CCDC152: variants seen among roughly 807,000 people sequenced by gnomAD.
CCDC152 encodes the protein coiled-coil domain-containing protein 152.
Under a neutral mutation model 38.1 loss-of-function variants are expected in CCDC152, and 37 were observed. The ratio of observed to expected loss-of-function variants is 0.97; its 90% CI spans 0.75 to 1.28. The LOEUF (loss-of-function observed/expected upper bound fraction) is 1.28, where lower values mean the gene tolerates loss of function less well. Ranked by LOEUF, CCDC152 falls within the 50% of genes most tolerant of loss-of-function variation. The probability of loss-of-function intolerance (pLI) is 0.00; values close to 1 mark genes in which losing one functional copy is unlikely to be tolerated. For synonymous variants in CCDC152, 83 were observed against 87.1 expected (o/e 0.95, Z 0.26); for missense variants, 259 against 292.1 (o/e 0.89, Z 0.83).
At chr5:42,770,792 C>A (rs1759687051) in intron 4 of CCDC152, among the ~76,000 whole-genome samples, 2 of 152,200 alleles carry the variant, frequency 1.3e-5, no homozygotes, top group South Asian at 4.1e-4. Flanking sequence ...TTTCCTTCAT[C>A]AATGTTTTAT....
In CCDC152 at chr5:42,801,205, T is replaced by C; in HGVS notation, c.*1424T>C. On this transcript the variant is annotated 3_prime_UTR_variant, in exon 9 of 9. Transcript: ENST00000361970. Reference sequence around the variant, plus strand: ...GGTTGCTGATTCTCTGAAAGCTCACTGCTGCCAAGGTGCTGATGTCCATGA... The same window carrying C: ...GGTTGCTGATTCTCTGAAAGCTCACCGCTGCCAAGGTGCTGATGTCCATGA... The C allele has an allele frequency of 3.1e-6, 5 of 1,614,188 alleles. No individual in the cohort carries two copies. Among genetic ancestry groups the C allele is most frequent in the Non-Finnish European group, 4.2e-6 (5 of 1,180,024 alleles).
chr5:42,769,729 GA>G (rs1759673063), intron 4 of CCDC152, 64 bp downstream of exon 4: 1 of 1,421,760 alleles, frequency 7.0e-7, no homozygotes, highest in Non-Finnish European at 9.3e-7. Context: ...TTAAAAATAG[GA>G]AGTTTTTACA....
At chr5:42,759,341 T>A in intron 2 of CCDC152, 133 bp downstream of exon 2, 1 of 549,282 alleles carries the variant, frequency 1.8e-6, no homozygotes, top group Non-Finnish European at 3.2e-6. Context: ...TGCTATGCTC[T>A]TCTCTCTCAT....
In CCDC152 at chr5:42,799,688, CAAG is replaced by C. The variant is rs950599441; in HGVS notation, c.673_675del (p.Lys225del). The C allele has an allele frequency of 1.9e-6, 3 of 1,547,276 alleles. No individual in the cohort carries two copies. Among genetic ancestry groups the C allele is most frequent in the South Asian group, 2.4e-5 (2 of 83,006 alleles). ...TTCAGCATTTTCAAGAAGAAAAAAACAAGGAGATTGCAATTCTTCGTAATACCA... is the reference window on the plus strand; with the variant it reads ...TTCAGCATTTTCAAGAAGAAAAAAACGAGATTGCAATTCTTCGTAATACCA... On this transcript the variant is annotated inframe_deletion, in exon 9 of 9. Coordinates refer to ENST00000361970, the MANE Select transcript of CCDC152 (RefSeq NM_001134848.2).
At chr5:42,780,831 T>C (rs1207791895) in intron 5 of CCDC152, among the ~76,000 whole-genome samples, 1 of 152,206 alleles carries the variant, frequency 6.6e-6, no homozygotes, top group East Asian at 1.9e-4. Context: ...CATTGTTTTT[T>C]ATATCAAGAG....
chr5:42,800,967 C>T lies in CCDC152; in HGVS notation c.*1186C>T. 6.2e-7 allele frequency: 1 copy of T among 1,614,224 alleles called. No individual in the cohort carries two copies. Among genetic ancestry groups the T allele is most frequent in the Non-Finnish European group, 8.5e-7 (1 of 1,180,032 alleles). On this transcript the variant is annotated 3_prime_UTR_variant, in exon 9 of 9. Coordinates refer to ENST00000361970, the MANE Select transcript of CCDC152 (RefSeq NM_001134848.2). ...TATCAGATGTCGACAATGGCAGCAT[C>T]AGCTCCTAGGAGCCAACTCTGAATC...
chr5:42,786,372 A>G (rs1339002226), intron 6 of CCDC152, among the ~76,000 whole-genome samples: 2 of 152,114 alleles, frequency 1.3e-5, no homozygotes, highest in African/African-American at 2.4e-5. Flanking sequence ...GTATGTTTCC[A>G]GGAATTTTTC....
At position 42,783,709 on chromosome 5, in the gene CCDC152, C is replaced by T. The variant is rs143326804; in HGVS notation, c.430+133C>T. The T allele has an allele frequency of 5.8e-4, 169 of 293,434 alleles. No homozygotes were observed. The East Asian group carries it at 0.012, about 21-fold the overall frequency. 18.2% of individuals were successfully genotyped at this position (293,434 alleles called of 1,614,324 possible). A position where few individuals can be genotyped will look rare whatever the true frequency, so the allele number is the denominator to read the frequency against. The stretch of plus-strand genomic sequence containing the variant: ...CTCATCAATTATATAGTGAACATAA[C>T]TCGTGGTAGATCATTTTTCAACCCT... On this transcript the variant is annotated intron_variant, in intron 6 of 8. Coordinates refer to ENST00000361970, the MANE Select transcript of CCDC152 (RefSeq NM_001134848.2).
chr5:42,766,306 A>C (rs1219472453), intron 3 of CCDC152, among the ~76,000 whole-genome samples: 1 of 152,166 alleles, frequency 6.6e-6, no homozygotes, highest in Non-Finnish European at 1.5e-5. Flanking sequence ...ACCCTCGTAC[A>C]CTGTTGATGG....
chr5:42,786,320 A>G (rs1579718466), intron 6 of CCDC152, among the ~76,000 whole-genome samples: 2 of 151,940 alleles, frequency 1.3e-5, no homozygotes, highest in African/African-American at 4.8e-5. Context: ...TTAATGGCCC[A>G]TTTAGAATTT....
At chr5:42,794,806 A>G (rs1760052316) in intron 6 of CCDC152, among the ~76,000 whole-genome samples, 1 of 152,234 alleles carries the variant, frequency 6.6e-6, no homozygotes, top group African/African-American at 2.4e-5. Context: ...GGTTTGTATC[A>G]TGTCCATAAA....
chr5:42,801,279 T>C lies in CCDC152; in HGVS notation c.*1498T>C, dbSNP rs1265850584. ...ATGAGGCGATGGAGTTTCAACTGTT[T>C]TATCCACAGTAGCCAAAGATACACG... On this transcript the variant is annotated 3_prime_UTR_variant, in exon 9 of 9. Coordinates refer to ENST00000361970, the MANE Select transcript of CCDC152 (RefSeq NM_001134848.2). 2 of 1,613,974 alleles carry C rather than the reference T, an allele frequency of 1.2e-6. No homozygotes were observed. Among genetic ancestry groups the C allele is most frequent in the Non-Finnish European group, 1.7e-6 (2 of 1,179,962 alleles).
At chr5:42,776,293 T>A (rs1367835284) in intron 4 of CCDC152, among the ~76,000 whole-genome samples, 1 of 152,160 alleles carries the variant, frequency 6.6e-6, no homozygotes, top group Non-Finnish European at 1.5e-5. Flanking sequence ...GGAGTAGCTA[T>A]CTTCATTTCA....
In CCDC152 at chr5:42,800,345, A is replaced by C; in HGVS notation, c.*564A>C. The stretch of plus-strand genomic sequence containing the variant: ...CAAAGTAATATTGTTTTGAGAGATA[A>C]GTAAAGAAAAAAATGGAAAGCATGT... On this transcript the variant is annotated 3_prime_UTR_variant, in exon 9 of 9. Coordinates refer to ENST00000361970, the MANE Select transcript of CCDC152 (RefSeq NM_001134848.2). 6.0e-6 allele frequency: 1 copy of C among 165,682 alleles called. No homozygotes were observed. Among genetic ancestry groups the C allele is most frequent in the South Asian group, 2.0e-4 (1 of 5,112 alleles). 10.3% of individuals were successfully genotyped at this position (165,682 alleles called of 1,614,324 possible).
chr5:42,774,035 A>G (rs1387610765), intron 4 of CCDC152, among the ~76,000 whole-genome samples: 1 of 152,242 alleles, frequency 6.6e-6, no homozygotes, highest in South Asian at 2.1e-4. Context: ...GCTAACAACA[A>G]GTAAAACATT....
intron 2 of CCDC152, among the ~76,000 whole-genome samples, chr5:42,760,954 G>C (rs146610326): frequency 6.6e-6 from 1 of 152,092 alleles, no homozygotes; most frequent in African/African-American, 2.4e-5. Context: ...CATTTTTGAG[G>C]TGATGATGGT....
At position 42,800,016 on chromosome 5, in the gene CCDC152, T is replaced by C. The variant is rs1455475340; in HGVS notation, c.*235T>C. ...TTTGGTTTACCTATTAAACCATCAT[T>C]GACTATGGAAATACTTACTAAGCAA... On this transcript the variant is annotated 3_prime_UTR_variant, in exon 9 of 9. Coordinates refer to ENST00000361970, the MANE Select transcript of CCDC152 (RefSeq NM_001134848.2). 11 of 451,354 alleles carry C rather than the reference T, an allele frequency of 2.4e-5. No individual in the cohort carries two copies. Among genetic ancestry groups the C allele is most frequent in the Non-Finnish European group, 4.3e-5 (11 of 257,362 alleles). 28.0% of individuals were successfully genotyped at this position (451,354 alleles called of 1,614,324 possible).
rs561932571 is a variant in CCDC152, at chr5:42,801,646, G to A, written c.*1865G>A. 4.9e-5 allele frequency: 18 copies of A among 364,418 alleles called. No homozygotes were observed. In the East Asian group the frequency reaches 7.6e-4, roughly 15 times the overall value. 22.6% of individuals were successfully genotyped at this position (364,418 alleles called of 1,614,324 possible). ...ATTCAGTTGATCTGGGCCGAGCATGGTGGCTCATGCCTGTAATCCCACCAC... is the reference window on the plus strand; with the variant it reads ...ATTCAGTTGATCTGGGCCGAGCATGATGGCTCATGCCTGTAATCCCACCAC... On this transcript the variant is annotated 3_prime_UTR_variant, in exon 9 of 9. Coordinates refer to ENST00000361970, the MANE Select transcript of CCDC152 (RefSeq NM_001134848.2).
At chr5:42,775,555 C>T (rs1203821908) in intron 4 of CCDC152, among the ~76,000 whole-genome samples, 1 of 151,966 alleles carries the variant, frequency 6.6e-6, no homozygotes. Flanking sequence ...ACCAGCCTTG[C>T]AGGAAATGAT....
Sources: allele counts gnomAD v4.1 joint callset (sites outside exome capture counted in the v4.1 genomes callset), GRCh38; gene constraint gnomAD v4.1.1; transcripts MANE v1.5; gene names NCBI Gene and HGNC (gene_info 2026-07-23, HGNC 2026-07-21).